Variants in SEC63 observed in about 807,000 individuals in gnomAD.
SEC63 encodes translocation protein SEC63 homolog.
SEC63 carries 56 observed loss-of-function variants against 116.2 expected under a neutral mutation model. The ratio of observed to expected loss-of-function variants is 0.48; its 90% CI spans 0.39 to 0.60. The LOEUF is 0.60. SEC63 is among the 20% of genes least tolerant of loss of function. The probability of loss-of-function intolerance (pLI) is 0.00; values close to 1 mark genes in which losing one functional copy is unlikely to be tolerated. For missense variants in SEC63, 668 were observed against 900.0 expected, an observed-to-expected ratio of 0.74 and a Z score of 3.30; for synonymous variants, 273 against 294.6, an observed-to-expected ratio of 0.93 and a Z score of 0.75.
chr6:107,871,894 A>C (rs757384436), intron 20 of SEC63, 47 bp from the exon 21 acceptor site: 28 of 1,595,668 alleles, frequency 1.8e-5, no homozygotes, highest in Middle Eastern at 1.7e-4. Flanking sequence ...GGGGAGAAAT[A>C]ATGGAAGAAA....
chr6:107,898,050 A>T (rs186732667), intron 13 of SEC63, among the ~76,000 whole-genome samples: 1 of 152,220 alleles, frequency 6.6e-6, no homozygotes, highest in East Asian at 1.9e-4. Flanking sequence ...GGATGGCATG[A>T]GCTCAGGAAT....
At chr6:107,947,353 C>CA (rs559526568) in intron 1 of SEC63, among the ~76,000 whole-genome samples, 15 of 151,076 alleles carry the variant, frequency 9.9e-5, no homozygotes, top group Admixed American at 5.3e-4. Flanking sequence ...AAGTTATTGT[C>CA]AAAAAAAAGA....
At position 107,924,807 on chromosome 6, in the gene SEC63, A is replaced by C. The variant is rs756813735; in HGVS notation, c.339+11T>G. On this transcript the variant is annotated intron_variant, in intron 3 of 20. Coordinates refer to ENST00000369002, the MANE Select transcript of SEC63 (RefSeq NM_007214.5). ...TTAAACTAATATGCATTATATAAAA[A>C]TACTACTTACAGGATCCAAATTTAA... The C allele has an allele frequency of 7.9e-7, 1 of 1,262,094 alleles. No homozygotes were observed. The allele number at this position is 1,262,094 out of a possible 1,614,324, so 78.2% of individuals were successfully genotyped here. A position where few individuals can be genotyped will look rare whatever the true frequency, so the allele number is the denominator to read the frequency against.
intron 13 of SEC63, among the ~76,000 whole-genome samples, chr6:107,899,117 A>T (rs1047363778): frequency 2.6e-5 from 4 of 152,228 alleles, no homozygotes; most frequent in Admixed American, 6.5e-5. Flanking sequence ...TTGGTGCTTT[A>T]AAGTGAAGAA....
intron 1 of SEC63, among the ~76,000 whole-genome samples, chr6:107,939,782 T>C (rs1770334667): frequency 6.6e-6 from 1 of 152,112 alleles, no homozygotes; most frequent in African/African-American, 2.4e-5. Flanking sequence ...AAAAAAAATT[T>C]TTAAAAACAA....
chr6:107,954,325 A>C (rs1251273710), intron 1 of SEC63, among the ~76,000 whole-genome samples: 1 of 151,938 alleles, frequency 6.6e-6, no homozygotes, highest in Non-Finnish European at 1.5e-5. Flanking sequence ...GGACACAAAC[A>C]CTGCGGAAGG....
intron 1 of SEC63, among the ~76,000 whole-genome samples, chr6:107,939,259 G>A (rs1770319763): frequency 6.6e-6 from 1 of 152,058 alleles, no homozygotes; most frequent in Non-Finnish European, 1.5e-5. Context: ...GTTCAGCCTG[G>A]CAATGGCATG....
chr6:107,943,526 C>T (rs775132250), intron 1 of SEC63, among the ~76,000 whole-genome samples: 6 of 152,036 alleles, frequency 3.9e-5, no homozygotes, highest in Non-Finnish European at 8.8e-5. Context: ...GAAAAAAATC[C>T]ACGTATAAGT....
rs750989436 is a variant in SEC63, at chr6:107,906,771, A to G, written c.740T>C (p.Ile247Thr). 1.2e-6 allele frequency: 2 copies of G among 1,611,740 alleles called. No individual in the cohort carries two copies. Among genetic ancestry groups the G allele is most frequent in the East Asian group, 2.2e-5 (1 of 44,838 alleles). Residue 247 changes from isoleucine to threonine, a missense_variant, in exon 9 of 21, where the codon ATC becomes ACC. Physicochemically the swap from Ile to Thr is moderately conservative, Grantham distance 89. This residue lies in a region of SEC63 where 430 missense variants were observed against 557.5 expected (regional missense o/e 0.77). Transcript: ENST00000369002. ...TTCAGAAGCTCCAGCCAAAACCATG[A>G]TAAGACCTAACAAAACAAAAGAAAT... Reference protein sequence around the residue: ...KTRNMDMKRLIMVLAGASEFD... With the variant: ...KTRNMDMKRLTMVLAGASEFD...
chr6:107,871,954 G>C, intron 20 of SEC63, 107 bp from the exon 21 acceptor site: 2 of 1,063,912 alleles, frequency 1.9e-6, no homozygotes, highest in East Asian at 5.0e-5. Context: ...CAAAGAAATA[G>C]TTTTTTATGG....
chr6:107,953,565 G>C (rs1460329609), intron 1 of SEC63, among the ~76,000 whole-genome samples: 2 of 147,360 alleles, frequency 1.4e-5, no homozygotes, highest in Admixed American at 1.3e-4. Context: ...GTCCGGGAGG[G>C]AGGTGGGGGG....
chr6:107,873,545 A>T (rs1199087879), intron 19 of SEC63, among the ~76,000 whole-genome samples: 2 of 152,116 alleles, frequency 1.3e-5, no homozygotes, highest in African/African-American at 4.8e-5. Flanking sequence ...TGCCAGTTTT[A>T]AAAAAACTAG....
At chr6:107,922,006 G>C (rs1215004260) in intron 3 of SEC63, 97 bp from the exon 4 acceptor site, 8 of 706,008 alleles carry the variant, frequency 1.1e-5, no homozygotes, top group Admixed American at 2.5e-5. Context: ...CTTAAAATAT[G>C]AACTACTCAG....
chr6:107,871,592 A>G lies in SEC63; in HGVS notation c.*112T>C. On this transcript the variant is annotated 3_prime_UTR_variant, in exon 21 of 21. Coordinates refer to ENST00000369002, the MANE Select transcript of SEC63 (RefSeq NM_007214.5). ...TATGCACCCATTTCAAGAGTAAAAA[A>G]ACTACACCTCCCTCAACATCAGTTC... 5.0e-6 allele frequency: 5 copies of G among 1,001,668 alleles called. No homozygotes were observed. The highest frequency in any genetic ancestry group is 6.3e-6 in the Non-Finnish European group (4 of 636,940). The allele number at this position is 1,001,668 out of a possible 1,614,324, so 62.0% of individuals were successfully genotyped here. A position where few individuals can be genotyped will look rare whatever the true frequency, so the allele number is the denominator to read the frequency against.
At chr6:107,929,615 T>C in intron 1 of SEC63, 101 bp from the exon 2 acceptor site, 1 of 707,468 alleles carries the variant, frequency 1.4e-6, no homozygotes, top group Non-Finnish European at 2.5e-6. Flanking sequence ...CGCTAATAGT[T>C]TAATGGAACA....
chr6:107,903,541 A>G (rs1787059250), intron 11 of SEC63, among the ~76,000 whole-genome samples: 1 of 152,136 alleles, frequency 6.6e-6, no homozygotes, highest in Non-Finnish European at 1.5e-5. Flanking sequence ...TCCCACCTCT[A>G]CACAAAATGT....
intron 18 of SEC63, among the ~76,000 whole-genome samples, chr6:107,880,672 T>A (rs964725566): frequency 6.6e-6 from 1 of 152,182 alleles, no homozygotes; most frequent in South Asian, 2.1e-4. Flanking sequence ...CACATTTCCA[T>A]GGACTGGGAC....
intron 18 of SEC63, among the ~76,000 whole-genome samples, chr6:107,878,151 G>A (rs1162891233): frequency 6.6e-6 from 1 of 152,196 alleles, no homozygotes; most frequent in Admixed American, 6.5e-5. Context: ...TACAAAAACA[G>A]GAAGGCAGCC....
At chr6:107,926,553 T>G (rs1033266389) in intron 2 of SEC63, among the ~76,000 whole-genome samples, 1 of 152,132 alleles carries the variant, frequency 6.6e-6, no homozygotes, top group African/African-American at 2.4e-5. Context: ...ACAGCAAACT[T>G]TTTTTTAACA....
Sources: gnomAD v4.1 joint callset for allele counts (sites outside exome capture counted in the v4.1 genomes callset) on GRCh38, gnomAD v4.1.1 for gene constraint, gnomAD v4.1.1 regional missense constraint, MANE v1.5 for transcripts, NCBI Gene and HGNC (gene_info 2026-07-23, HGNC 2026-07-21) for gene names.